The following AFG2B variants were observed in gnomAD, a reference collection of about 807,000 sequenced individuals.
The protein encoded by AFG2B is ATPase family gene 2 protein homolog B.
the AFG2B span, among the ~76,000 whole-genome samples, chr15:45,407,602 A>T: frequency 2.0e-5 from 3 of 152,224 alleles, no homozygotes; most frequent in African/African-American, 7.2e-5. Flanking sequence ...GAAAATTATA[A>T]AGAACTGCCT....
chr15:45,402,971 G>T, the AFG2B span: 2 of 1,594,994 alleles, frequency 1.3e-6, no homozygotes, highest in African/African-American at 1.3e-5. Flanking sequence ...GTCACCCCTC[G>T]TACCCGCGTC....
chr15:45,415,495 C>CAAAAAAAAA, the AFG2B span: 1 of 836,254 alleles, frequency 1.2e-6, no homozygotes. Flanking sequence ...AAGACTGTCT[C>CAAAAAAAAA]AAAAAAAAAA....
the AFG2B span, among the ~76,000 whole-genome samples, chr15:45,416,395 T>G: frequency 6.6e-6 from 1 of 152,234 alleles, no homozygotes; most frequent in Non-Finnish European, 1.5e-5. Flanking sequence ...GGAAGTCCCC[T>G]CCCTCTTTCT....
At chr15:45,405,473 G>T in the AFG2B span, 1 of 1,613,648 alleles carries the variant, frequency 6.2e-7, no homozygotes, top group South Asian at 1.1e-5. Context: ...CTGTAGGGAG[G>T]CTGCCATGCA....
the AFG2B span, among the ~76,000 whole-genome samples, chr15:45,410,181 C>T: frequency 1.5e-4 from 23 of 152,070 alleles, no homozygotes; most frequent in African/African-American, 5.1e-4. Flanking sequence ...TGACATCTTT[C>T]GGGGAAGAAT....
chr15:45,412,607 A>C, the AFG2B span, among the ~76,000 whole-genome samples: 6 of 152,342 alleles, frequency 3.9e-5, 1 homozygote, highest in African/African-American at 1.4e-4. Flanking sequence ...TAATTTTCAC[A>C]TGTCAGAAAA....
the AFG2B span, chr15:45,417,508 C>T: frequency 3.4e-6 from 4 of 1,167,970 alleles, no homozygotes; most frequent in Middle Eastern, 4.1e-4. Flanking sequence ...TCTTCCTTGC[C>T]TGGTGGCCTT....
chr15:45,415,709 TCTC>T, the AFG2B span: 1 of 1,614,076 alleles, frequency 6.2e-7, no homozygotes, highest in Non-Finnish European at 8.5e-7. Context: ...TTCTTTCTGT[TCTC>T]CTGAATGAAT....
At chr15:45,407,292 G>C in the AFG2B span, 1 of 1,112,522 alleles carries the variant, frequency 9.0e-7, no homozygotes, top group Non-Finnish European at 1.1e-6. Context: ...CCTGTACCAG[G>C]GCAGATAAGG....
the AFG2B span, among the ~76,000 whole-genome samples, chr15:45,407,508 C>A: frequency 6.6e-6 from 1 of 152,164 alleles, no homozygotes; most frequent in Non-Finnish European, 1.5e-5. Flanking sequence ...AATATTTGGA[C>A]ATCAGACACC....
chr15:45,405,337 C>A, the AFG2B span: 1 of 1,613,922 alleles, frequency 6.2e-7, no homozygotes, highest in Non-Finnish European at 8.5e-7. Flanking sequence ...TTGGGACTCC[C>A]ACACTTAAAC....
At chr15:45,403,373 G>T in the AFG2B span, 8 of 1,610,446 alleles carry the variant, frequency 5.0e-6, no homozygotes, top group Admixed American at 1.7e-5. Context: ...CGGGGCAGTC[G>T]AGCACCCGAG....
At chr15:45,406,402 A>G in the AFG2B span, among the ~76,000 whole-genome samples, 1 of 152,166 alleles carries the variant, frequency 6.6e-6, no homozygotes. Context: ...CTCCATTGTC[A>G]AGATACCGTT....
the AFG2B span, chr15:45,405,439 T>C: frequency 6.2e-7 from 1 of 1,614,170 alleles, no homozygotes. Flanking sequence ...CAGTTGGCTA[T>C]GTTGGTGCCG....
the AFG2B span, among the ~76,000 whole-genome samples, chr15:45,408,900 C>G: frequency 2.0e-5 from 3 of 152,032 alleles, no homozygotes; most frequent in Non-Finnish European, 4.4e-5. Flanking sequence ...AATGAATAAA[C>G]TTTTACTCCC....
At chr15:45,415,634 T>A in the AFG2B span, 50 of 1,614,040 alleles carry the variant, frequency 3.1e-5, no homozygotes, top group Non-Finnish European at 4.2e-5. Context: ...TGTTTTTGGA[T>A]GAAATTGATT....
At chr15:45,419,174 G>A in the AFG2B span, among the ~76,000 whole-genome samples, 37 of 152,210 alleles carry the variant, frequency 2.4e-4, no homozygotes, top group African/African-American at 6.8e-4. Flanking sequence ...TGGGCTAGGC[G>A]TGGTGGCTCG....
chr15:45,411,021 G>C, the AFG2B span, among the ~76,000 whole-genome samples: 1 of 152,166 alleles, frequency 6.6e-6, no homozygotes, highest in Non-Finnish European at 1.5e-5. Context: ...GGCCAACATG[G>C]TGAAACCCCG....
the AFG2B span, chr15:45,418,750 C>A: frequency 6.3e-7 from 1 of 1,578,334 alleles, no homozygotes; most frequent in Admixed American, 1.8e-5. Context: ...TTCATTCACT[C>A]AGCAGTATTT....
Sources: allele counts gnomAD v4.1 joint callset (sites outside exome capture counted in the v4.1 genomes callset), GRCh38; gene constraint gnomAD v4.1.1; transcripts MANE v1.5; gene names NCBI Gene and HGNC (gene_info 2026-07-23, HGNC 2026-07-21).